The following RPL28 variants were observed in gnomAD, a reference collection of about 807,000 sequenced individuals.
RPL28 encodes the protein ribosomal protein L28.
A neutral mutation model predicts 12.5 loss-of-function variants in RPL28; 4 were observed. The observed-to-expected ratio is 0.32, with a 90% CI of 0.16 to 0.73. The LOEUF (loss-of-function observed/expected upper bound fraction) is 0.73. RPL28 is among the 30% of genes least tolerant of loss of function. The probability of loss-of-function intolerance (pLI) is 0.66; values close to 1 mark genes in which losing one functional copy is unlikely to be tolerated. For synonymous variants in RPL28, 91 were observed against 72.5 expected (o/e 1.26, Z -1.30); for missense variants, 214 against 197.7 (o/e 1.08, Z -0.49).
Position 55,391,096 on chromosome 19 carries a change from G to C in RPL28, c.*2764G>C, listed in dbSNP as rs917139484. On this transcript the variant is annotated 3_prime_UTR_variant, in exon 5 of 5. Transcript: ENST00000344063. ...ATACAGAAGGTCCCTGATAAAGTTA[G>C]TAGCTGCCCTCATCAGAAACCAGGC... 1 of 405,674 alleles carries C rather than the reference G, an allele frequency of 2.5e-6. No homozygotes were observed. The highest frequency in any genetic ancestry group is 3.3e-6 in the Non-Finnish European group (1 of 299,228). 25.1% of individuals were successfully genotyped at this position (405,674 alleles called of 1,614,324 possible).
At chr19:55,402,836 G>A in intron 4 of RPL28, 4 of 912,052 alleles carry the variant, frequency 4.4e-6, no homozygotes, top group Non-Finnish European at 6.5e-6. Context: ...GTTTACCTTG[G>A]AGCTCAATCC....
chr19:55,397,733 G>A (rs921988875), intron 4 of RPL28, among the ~76,000 whole-genome samples: 1 of 150,850 alleles, frequency 6.6e-6, no homozygotes, highest in African/African-American at 2.4e-5. Context: ...GCTGGGCATG[G>A]TGGTGCGTGC....
rs1054719652 is a variant in RPL28 at position 55,387,389 on chromosome 19, T to C, written c.206-541T>C. ...TCTGTTGGCTAGTGATCCTCCTGTCTCAGGGACACGTAGTCCAGGGAGCAG... is the reference window on the plus strand; with the variant it reads ...TCTGTTGGCTAGTGATCCTCCTGTCCCAGGGACACGTAGTCCAGGGAGCAG... On this transcript the variant is annotated intron_variant, in intron 3 of 4. Transcript: ENST00000344063. 18 of 1,550,738 alleles carry C rather than the reference T, an allele frequency of 1.2e-5. No individual in the cohort carries two copies. The African/African-American group carries it at 2.5e-4, about 21-fold the overall frequency.
In RPL28 at chr19:55,388,041, T is replaced by A; in HGVS notation, c.317T>A (p.Leu106Gln). The A allele has an allele frequency of 6.2e-7, 1 of 1,613,776 alleles. No individual in the cohort carries two copies. Among genetic ancestry groups the A allele is most frequent in the South Asian group, 1.1e-5 (1 of 91,052 alleles). Residue 106 changes from leucine (L) to glutamine (Q), a missense_variant, in exon 4 of 5, where the codon CTG becomes CAG. Physicochemically the swap from Leu to Gln is moderately radical, Grantham distance 113. Transcript: ENST00000344063. ...MIRKNKYRPD[L>Q]RMAAIRRASA... Reference sequence around the variant, plus strand: ...CGCAAGAACAAGTACCGCCCCGACCTGCGCATGGTGAGCTGGGGTTTGGGG... The same window carrying A: ...CGCAAGAACAAGTACCGCCCCGACCAGCGCATGGTGAGCTGGGGTTTGGGG...
Position 55,386,676 on chromosome 19 carries a change from T to A in RPL28, c.188T>A (p.Val63Asp), listed in dbSNP as rs1323414764. 6.2e-7 allele frequency: 1 copy of A among 1,614,062 alleles called. No individual in the cohort carries two copies. The highest frequency in any genetic ancestry group is 1.7e-5 in the Admixed American group (1 of 60,016). ...GCCGACGGCAAAGGTGTCGTGGTGG[T>A]CATTAAGCGGAGATCCGGTGAGTTT... ...PAADGKGVVV[V>D]IKRRSGQRKP... Residue 63 changes from valine to aspartate, a missense_variant, in exon 3 of 5, where the codon GTC (valine) becomes GAC (aspartate). By Grantham distance (152) the Val-to-Asp change is radical. Transcript: ENST00000344063.
intron 3 of RPL28, 155 bp downstream of exon 3, chr19:55,386,848 G>T (rs1203657860): frequency 1.9e-6 from 3 of 1,561,914 alleles, no homozygotes; most frequent in Non-Finnish European, 2.6e-6. Flanking sequence ...CCTCTCGGCC[G>T]ACTTGTCAGC....
At position 55,389,709 on chromosome 19, in the gene RPL28, T is replaced by TAGAC; in HGVS notation, c.*1377_*1378insAGAC. ...ATCTGACCACTTGCCAGCCCCTGTC[T>TAGAC]GCTGTGAATTACCATTTCCTTTGTC... On this transcript the variant is annotated 3_prime_UTR_variant, in exon 5 of 5. Transcript: ENST00000344063. 15 of 985,586 alleles carry TAGAC rather than the reference T, an allele frequency of 1.5e-5. No individual in the cohort carries two copies. The highest frequency in any genetic ancestry group is 1.8e-5 in the Non-Finnish European group (15 of 830,012). The allele number at this position is 985,586 out of a possible 1,614,324, so 61.1% of individuals were successfully genotyped here. A position where few individuals can be genotyped will look rare whatever the true frequency, so the allele number is the denominator to read the frequency against.
At chr19:55,388,073 C>T (rs1056791086) in intron 4 of RPL28, 25 bp downstream of exon 4, 15 of 1,613,170 alleles carry the variant, frequency 9.3e-6, no homozygotes, top group Non-Finnish European at 1.2e-5. Context: ...GGGGATCAGG[C>T]TTGGGGAGAC....
In RPL28 at chr19:55,389,379, T is replaced by C. The variant is rs1165129055; in HGVS notation, c.*1047T>C. On this transcript the variant is annotated 3_prime_UTR_variant, in exon 5 of 5. Coordinates refer to ENST00000344063, the MANE Select transcript of RPL28 (RefSeq NM_000991.5). ...CAGTGAGGCCTGGATGGGGAAAGAG[T>C]CCTGCTGTTGATCCTCACATGTTTC... 11 of 984,744 alleles carry C rather than the reference T, an allele frequency of 1.1e-5. No individual in the cohort carries two copies. Among genetic ancestry groups the C allele is most frequent in the African/African-American group, 1.8e-5 (1 of 57,008 alleles). 61.0% of individuals were successfully genotyped at this position (984,744 alleles called of 1,614,324 possible). A position where few individuals can be genotyped will look rare whatever the true frequency, so the allele number is the denominator to read the frequency against.
downstream of RPL28, among the ~76,000 whole-genome samples, chr19:55,392,886 C>A (rs2090000290): frequency 1.3e-5 from 2 of 152,138 alleles, no homozygotes; most frequent in Non-Finnish European, 2.9e-5. Flanking sequence ...GAACCTCCCC[C>A]TTGCTCCTTT....
At position 55,388,223 on chromosome 19, in the gene RPL28, C is replaced by G; in HGVS notation, c.325-20C>G. 2 of 1,519,556 alleles carry G rather than the reference C, an allele frequency of 1.3e-6. No individual in the cohort carries two copies. The highest frequency in any genetic ancestry group is 1.8e-6 in the Non-Finnish European group (2 of 1,135,278). The allele number at this position is 1,519,556 out of a possible 1,614,324, so 94.1% of individuals were successfully genotyped here. A position where few individuals can be genotyped will look rare whatever the true frequency, so the allele number is the denominator to read the frequency against. On this transcript the variant is annotated intron_variant, in intron 4 of 4. Transcript: ENST00000344063. Reference sequence around the variant, plus strand: ...TGTGGAGTGTATGGGCTGAGCCTTGCTCTGCTCCCCCGCCCCCAGGCAGCC... The same window carrying G: ...TGTGGAGTGTATGGGCTGAGCCTTGGTCTGCTCCCCCGCCCCCAGGCAGCC...
downstream of RPL28, among the ~76,000 whole-genome samples, chr19:55,392,485 C>T (rs553315898): frequency 6.6e-5 from 10 of 152,076 alleles, no homozygotes; most frequent in Non-Finnish European, 4.4e-5. Flanking sequence ...CTCCTGACTT[C>T]GTCCCCCAAA....
chr19:55,396,476 CT>C, downstream of RPL28, among the ~76,000 whole-genome samples: 1 of 13,348 alleles, frequency 7.5e-5, no homozygotes, highest in African/African-American at 1.6e-3. Flanking sequence ...TAGGAAAGTT[CT>C]CCCCCCTCCC....
At chr19:55,397,008 T>A (rs2090028985), downstream of RPL28, among the ~76,000 whole-genome samples, 1 of 152,004 alleles carries the variant, frequency 6.6e-6, no homozygotes, top group Non-Finnish European at 1.5e-5. Flanking sequence ...GCCTCCTGAG[T>A]AGCTGGGACT....
chr19:55,402,314 C>T (rs1209140731), intron 4 of RPL28, among the ~76,000 whole-genome samples: 2 of 152,334 alleles, frequency 1.3e-5, no homozygotes, highest in Non-Finnish European at 2.9e-5. Context: ...ATCAGACATC[C>T]GAAGTTCACA....
Position 55,388,078 on chromosome 19 carries a change from G to A in RPL28, c.324+30G>A, listed in dbSNP as rs759740369. 3.7e-6 allele frequency: 6 copies of A among 1,613,328 alleles called. No homozygotes were observed. The Admixed American group carries it at 1.0e-4, about 27-fold the overall frequency. On this transcript the variant is annotated intron_variant, in intron 4 of 4. Coordinates refer to ENST00000344063, the MANE Select transcript of RPL28 (RefSeq NM_000991.5). ...GCTGGGGTTTGGGGATCAGGCTTGG[G>A]GAGACTGGCCAGTGCTGTGGGGAAG...
At position 55,387,804 on chromosome 19, in the gene RPL28, T is replaced by G. The variant is rs1339462686; in HGVS notation, c.206-126T>G. 6 of 1,467,790 alleles carry G rather than the reference T, an allele frequency of 4.1e-6. No individual in the cohort carries two copies. In the Admixed American group the frequency reaches 1.5e-4, roughly 37 times the overall value. 90.9% of individuals were successfully genotyped at this position (1,467,790 alleles called of 1,614,324 possible). Reference sequence around the variant, plus strand: ...GTGGGAAAACAGCTACCTGCTGGCCTGCCCAGGCACCCGCCACGGGCCCAC... The same window carrying G: ...GTGGGAAAACAGCTACCTGCTGGCCGGCCCAGGCACCCGCCACGGGCCCAC... On this transcript the variant is annotated intron_variant, in intron 3 of 4. Coordinates refer to ENST00000344063, the MANE Select transcript of RPL28 (RefSeq NM_000991.5).
chr19:55,397,796 G>A (rs2090033663), intron 4 of RPL28, among the ~76,000 whole-genome samples: 1 of 143,672 alleles, frequency 7.0e-6, no homozygotes, highest in Non-Finnish European at 1.5e-5. Flanking sequence ...GGTGGGAGGT[G>A]GGAGGTGGGA....
At chr19:55,387,372 C>T in intron 3 of RPL28, 4 of 1,551,410 alleles carry the variant, frequency 2.6e-6, no homozygotes, top group Non-Finnish European at 3.5e-6. Flanking sequence ...AGTCTGTTGG[C>T]TAGTGATCCT....
Sources: gnomAD v4.1 joint callset for allele counts (sites outside exome capture counted in the v4.1 genomes callset) on GRCh38, gnomAD v4.1.1 for gene constraint, MANE v1.5 for transcripts, NCBI Gene and HGNC (gene_info 2026-07-23, HGNC 2026-07-21) for gene names.